IL1RAP: variants seen among roughly 807,000 people sequenced by gnomAD.
IL1RAP encodes the protein interleukin 1 receptor accessory protein.
In IL1RAP, 35 loss-of-function variants were observed where a neutral mutation model predicts 60.7. That is an observed-to-expected ratio of 0.58 (90% confidence interval 0.44 to 0.76). The LOEUF (loss-of-function observed/expected upper bound fraction) is 0.76. Among genes scored for constraint, IL1RAP ranks in the 30% least tolerant of loss-of-function variants. The pLI is 0.00. For missense variants in IL1RAP, 572 were observed against 693.9 expected (o/e 0.82, Z 1.97); for synonymous variants, 268 against 250.9 (o/e 1.07, Z -0.64).
chr3:190,548,531 C>T (rs1724577771), intron 1 of IL1RAP, among the ~76,000 whole-genome samples: 1 of 152,132 alleles, frequency 6.6e-6, no homozygotes. Flanking sequence ...CAGAAATTGC[C>T]TTGTATTTAT....
chr3:190,615,282 C>A (rs1388935029), intron 5 of IL1RAP: 3 of 1,255,498 alleles, frequency 2.4e-6, no homozygotes, highest in East Asian at 5.6e-5. Flanking sequence ...CTGAAATATA[C>A]CATGTGTATA....
chr3:190,517,002 T>A (rs1721582668), intron 1 of IL1RAP, among the ~76,000 whole-genome samples: 1 of 152,250 alleles, frequency 6.6e-6, no homozygotes, highest in Non-Finnish European at 1.5e-5. Flanking sequence ...CAATGAGATA[T>A]TTAACAATTT....
chr3:190,574,542 GAC>G lies in IL1RAP; in HGVS notation c.64+10190_64+10191del, dbSNP rs1373809625. 2.5e-4 allele frequency among the ~76,000 whole-genome samples: 38 copies of G among 152,290 alleles called. No individual in the cohort carries two copies. In the South Asian group the frequency reaches 7.7e-3, roughly 31 times the overall value. On this transcript the variant is annotated intron_variant, in intron 3 of 11. Coordinates refer to ENST00000447382, the MANE Select transcript of IL1RAP (RefSeq NM_002182.4). Reference sequence around the variant, plus strand: ...AGCTTTTGCTCCTTTTCCAATGACTGACTGCAGGCTCTGTCCCTCCACTTAGG... The same window carrying G: ...AGCTTTTGCTCCTTTTCCAATGACTGTGCAGGCTCTGTCCCTCCACTTAGG...
intron 3 of IL1RAP, among the ~76,000 whole-genome samples, chr3:190,579,740 C>A (rs1185127135): frequency 6.6e-6 from 1 of 152,184 alleles, no homozygotes; most frequent in African/African-American, 2.4e-5. Flanking sequence ...ACAACCCATT[C>A]TCCCCCACCC....
chr3:190,563,529 A>C (rs1726095798), intron 2 of IL1RAP: 1 of 152,172 alleles, frequency 6.6e-6, no homozygotes, highest in South Asian at 2.1e-4. Flanking sequence ...TCATGCAACC[A>C]AATGTAAGGG....
chr3:190,547,286 C>A (rs1724456217), intron 1 of IL1RAP, among the ~76,000 whole-genome samples: 1 of 152,134 alleles, frequency 6.6e-6, no homozygotes, highest in South Asian at 2.1e-4. Context: ...GGCCATAGTC[C>A]TCCGCCCCTT....
intron 1 of IL1RAP, chr3:190,520,427 C>T (rs1398861643): frequency 1.3e-5 from 2 of 152,034 alleles, no homozygotes; most frequent in Non-Finnish European, 2.9e-5. Context: ...GTCATAGGCT[C>T]CAAGAAAGTT....
chr3:190,576,417 T>G (rs1727454396), intron 3 of IL1RAP, among the ~76,000 whole-genome samples: 1 of 151,734 alleles, frequency 6.6e-6, no homozygotes, highest in South Asian at 2.1e-4. Context: ...AATGGAAAAA[T>G]TGGCAAAGAT....
intron 3 of IL1RAP, among the ~76,000 whole-genome samples, chr3:190,589,361 C>A (rs531252456): frequency 3.9e-5 from 6 of 152,278 alleles, no homozygotes; most frequent in Non-Finnish European, 7.4e-5. Flanking sequence ...ATGCTCTCAG[C>A]TTTTGTTGCT....
intron 1 of IL1RAP, among the ~76,000 whole-genome samples, chr3:190,527,822 G>A (rs1722642810): frequency 1.6e-5 from 2 of 125,562 alleles, no homozygotes; most frequent in Admixed American, 8.3e-5. Context: ...TTTAAGGAAA[G>A]GTCTACACAC....
Position 190,648,525 on chromosome 3 carries a change from G to A in IL1RAP, c.1533G>A (p.Val511=). The stretch of plus-strand genomic sequence containing the variant: ...ACAAAGCTGTGAAGGAAACGAAGGT[G>A]AAAGAGCTGAAGAGGGCTAAGACGG... ...VQYKAVKETK[V]KELKRAKTVL... is the part of the protein sequence containing the mutation. The change falls in exon 12 of 12, where the codon GTG becomes GTA. Residue 511 remains valine, a synonymous_variant. Transcript: ENST00000447382. 3 of 1,614,134 alleles carry A rather than the reference G, an allele frequency of 1.9e-6. No individual in the cohort carries two copies. Among genetic ancestry groups the A allele is most frequent in the Non-Finnish European group, 2.5e-6 (3 of 1,180,020 alleles).
chr3:190,621,363 C>T lies in IL1RAP; in HGVS notation c.703+923C>T, dbSNP rs139845570. Among the ~76,000 whole-genome samples the T allele has an allele frequency of 8.1e-4, 123 of 152,122 alleles. 1 individual carries two copies. In the East Asian group the frequency reaches 0.015, roughly 19 times the overall value. ...AGTGCAAATAGTATTCAAACAATGT[C>T]GTAATCACTTCTGTTCTTTTTCTGC... On this transcript the variant is annotated intron_variant, in intron 6 of 11. Transcript: ENST00000447382.
rs540051803 is a variant in IL1RAP, at chr3:190,582,752, G to A, written c.64+18399G>A. 9.2e-5 allele frequency among the ~76,000 whole-genome samples: 14 copies of A among 152,198 alleles called. No homozygotes were observed. The South Asian group carries it at 2.9e-3, about 32-fold the overall frequency. ...AATTAAATCAGGTGTCTCCTCTGTG[G>A]AAAACCCTGGAATATGTCCCATTAT... On this transcript the variant is annotated intron_variant, in intron 3 of 11. Transcript: ENST00000447382.
chr3:190,645,499 G>A (rs976369471), intron 10 of IL1RAP, among the ~76,000 whole-genome samples, 200 bp from the exon 11 acceptor site: 1 of 152,184 alleles, frequency 6.6e-6, no homozygotes, highest in African/African-American at 2.4e-5. Flanking sequence ...TGTAAGATGA[G>A]AGTTGAGGAT....
chr3:190,638,788 G>T (rs912303083), intron 9 of IL1RAP, among the ~76,000 whole-genome samples: 1 of 151,788 alleles, frequency 6.6e-6, no homozygotes. Flanking sequence ...CTTTCATACC[G>T]ATATCCAGTT....
intron 3 of IL1RAP, among the ~76,000 whole-genome samples, chr3:190,587,460 G>A (rs1327099670): frequency 1.3e-5 from 2 of 152,214 alleles, no homozygotes; most frequent in African/African-American, 4.8e-5. Flanking sequence ...CTATGGTGGT[G>A]GCAGTTTTAT....
chr3:190,596,255 G>T (rs553347346), intron 3 of IL1RAP, among the ~76,000 whole-genome samples: 1 of 152,262 alleles, frequency 6.6e-6, no homozygotes, highest in African/African-American at 2.4e-5. Flanking sequence ...AATATTTAAT[G>T]AATACAAATA....
intron 1 of IL1RAP, among the ~76,000 whole-genome samples, chr3:190,554,060 C>CAAAAAAAA: frequency 1.1e-5 from 1 of 87,910 alleles, no homozygotes; most frequent in African/African-American, 5.1e-5. Context: ...GACTCCGTCT[C>CAAAAAAAA]AAAAAAAAAA....
intron 3 of IL1RAP, among the ~76,000 whole-genome samples, chr3:190,589,781 A>G (rs1300585222): frequency 6.6e-6 from 1 of 152,236 alleles, no homozygotes; most frequent in Non-Finnish European, 1.5e-5. Context: ...GAAGTGTAAG[A>G]CATGGTGTTG....
Sources: gnomAD v4.1 joint callset for allele counts (sites outside exome capture counted in the v4.1 genomes callset) on GRCh38, gnomAD v4.1.1 for gene constraint, MANE v1.5 for transcripts, NCBI Gene and HGNC (gene_info 2026-07-23, HGNC 2026-07-21) for gene names.